The following NR3C2 variants were observed in gnomAD, a reference collection of about 807,000 sequenced individuals.
NR3C2 encodes nuclear receptor subfamily 3 group C member 2.
Under a neutral mutation model 86.4 loss-of-function variants are expected in NR3C2, and 15 were observed. The ratio of observed to expected loss-of-function variants is 0.17; its 90% CI spans 0.12 to 0.27. NR3C2 has a LOEUF of 0.27. NR3C2 is among the 10% of genes least tolerant of loss of function. The probability of loss-of-function intolerance (pLI) is 1.00; values close to 1 mark genes in which losing one functional copy is unlikely to be tolerated. For missense variants in NR3C2, 960 were observed against 1,195.6 expected, an observed-to-expected ratio of 0.80 and a Z score of 2.91; for synonymous variants, 458 against 450.5, an observed-to-expected ratio of 1.02 and a Z score of -0.21.
chr4:148,150,103 G>A (rs1734037754), intron 6 of NR3C2, among the ~76,000 whole-genome samples: 1 of 152,162 alleles, frequency 6.6e-6, no homozygotes, highest in South Asian at 2.1e-4. Flanking sequence ...CATATTCAGT[G>A]CAACGTTATT....
intron 2 of NR3C2, among the ~76,000 whole-genome samples, chr4:148,367,278 T>C (rs1248338839): frequency 2.0e-5 from 3 of 152,212 alleles, no homozygotes; most frequent in Non-Finnish European, 4.4e-5. Context: ...TGCAATTGCT[T>C]GAGCCAATAT....
At chr4:148,374,545 C>T (rs537974662) in intron 2 of NR3C2, among the ~76,000 whole-genome samples, 4 of 152,128 alleles carry the variant, frequency 2.6e-5, no homozygotes, top group African/African-American at 9.6e-5. Context: ...CATGAAAATT[C>T]TAGAGAAAAT....
intron 4 of NR3C2, among the ~76,000 whole-genome samples, chr4:148,182,370 C>T (rs1031857706): frequency 6.6e-6 from 1 of 152,156 alleles, no homozygotes; most frequent in African/African-American, 2.4e-5. Context: ...ACAATGTACA[C>T]AACTGGACAA....
chr4:148,175,943 C>T (rs1319502850), intron 4 of NR3C2, among the ~76,000 whole-genome samples: 1 of 152,202 alleles, frequency 6.6e-6, no homozygotes, highest in African/African-American at 2.4e-5. Context: ...TGCACCACTG[C>T]ACTACAGCCT....
At chr4:148,174,117 G>A (rs1375784861) in intron 4 of NR3C2, among the ~76,000 whole-genome samples, 3 of 152,174 alleles carry the variant, frequency 2.0e-5, no homozygotes, top group African/African-American at 7.2e-5. Context: ...AAAAAAATAA[G>A]TCAAATGATT....
chr4:148,358,085 T>C (rs61761544), intron 2 of NR3C2, among the ~76,000 whole-genome samples: 30,498 of 151,888 alleles, frequency 0.2, 3,101 homozygotes, highest in East Asian at 0.3. Flanking sequence ...GATCTAGAAC[T>C]AGAAATACCA....
At chr4:148,106,220 T>C (rs527307221) in intron 8 of NR3C2, among the ~76,000 whole-genome samples, 92 of 152,006 alleles carry the variant, frequency 6.1e-4, no homozygotes, top group Non-Finnish European at 8.5e-4. Context: ...ACACCAACAA[T>C]AGGCAAGCAA....
intron 3 of NR3C2, among the ~76,000 whole-genome samples, chr4:148,251,254 C>T (rs917091802): frequency 6.6e-6 from 1 of 152,134 alleles, no homozygotes; most frequent in South Asian, 2.1e-4. Context: ...CCACCGCACC[C>T]AACACAGTCT....
At chr4:148,353,952 C>T (rs372686139) in intron 2 of NR3C2, among the ~76,000 whole-genome samples, 13 of 152,208 alleles carry the variant, frequency 8.5e-5, no homozygotes, top group African/African-American at 2.9e-4. Context: ...TTTCACCATC[C>T]CTTAAAAATG....
chr4:148,156,873 C>T (rs1734417147), intron 4 of NR3C2, among the ~76,000 whole-genome samples: 1 of 152,002 alleles, frequency 6.6e-6, no homozygotes, highest in Admixed American at 6.6e-5. Flanking sequence ...TATTGCGGCA[C>T]TATTCACAAT....
chr4:148,199,137 T>C (rs1736589650), intron 3 of NR3C2, among the ~76,000 whole-genome samples: 1 of 144,212 alleles, frequency 6.9e-6, no homozygotes, highest in Non-Finnish European at 1.5e-5. Context: ...AAAAATCAAC[T>C]CGTAATGAAA....
intron 8 of NR3C2, among the ~76,000 whole-genome samples, chr4:148,111,902 TGTG>T (rs760771807): frequency 3.1e-4 from 47 of 152,316 alleles, no homozygotes; most frequent in Non-Finnish European, 5.4e-4. Flanking sequence ...CTATCTTGAT[TGTG>T]GTGATAATTT....
At chr4:148,094,532 G>A (rs747839626) in intron 8 of NR3C2, among the ~76,000 whole-genome samples, 6 of 152,224 alleles carry the variant, frequency 3.9e-5, no homozygotes, top group Non-Finnish European at 5.9e-5. Context: ...TGGCCAACAT[G>A]GTGAAACCCA....
intron 3 of NR3C2, among the ~76,000 whole-genome samples, chr4:148,256,115 G>A (rs1351126929): frequency 6.6e-6 from 1 of 152,210 alleles, no homozygotes. Context: ...CTGTGGGACT[G>A]CCACAGAGGC....
At position 148,362,473 on chromosome 4, in the gene NR3C2, T is replaced by TA. The variant is rs1745887880; in HGVS notation, c.1757+72630dup. Among the ~76,000 whole-genome samples, 4 of 152,350 alleles carry TA rather than the reference T, an allele frequency of 2.6e-5. No homozygotes were observed. In the South Asian group the frequency reaches 8.3e-4, roughly 32 times the overall value. Reference sequence around the variant, plus strand: ...TTAAAAACTTTAAAACTTTAAAATTTAAAAATTAAAAATTTTAAAAATGAA... The same window carrying TA: ...TTAAAAACTTTAAAACTTTAAAATTTAAAAAATTAAAAATTTTAAAAATGAA... On this transcript the variant is annotated intron_variant, in intron 2 of 8. Coordinates refer to ENST00000358102, the MANE Select transcript of NR3C2 (RefSeq NM_000901.5).
At chr4:148,109,821 G>A (rs937404897) in intron 8 of NR3C2, among the ~76,000 whole-genome samples, 2 of 152,156 alleles carry the variant, frequency 1.3e-5, no homozygotes, top group Admixed American at 6.5e-5. Flanking sequence ...TACAACATAT[G>A]TTTAATAGGA....
At chr4:148,291,104 A>AGCCC (rs1741777424) in intron 2 of NR3C2, among the ~76,000 whole-genome samples, 1 of 152,114 alleles carries the variant, frequency 6.6e-6, no homozygotes, top group Non-Finnish European at 1.5e-5. Context: ...TTAGACTGAC[A>AGCCC]TCTATTCTTT....
chr4:148,106,889 C>A (rs1270677618), intron 8 of NR3C2, among the ~76,000 whole-genome samples: 3 of 152,138 alleles, frequency 2.0e-5, no homozygotes, highest in Non-Finnish European at 2.9e-5. Flanking sequence ...AAACGTAAAA[C>A]CTAAAACCAT....
At chr4:148,303,145 T>A (rs1316484708) in intron 2 of NR3C2, among the ~76,000 whole-genome samples, 2 of 152,234 alleles carry the variant, frequency 1.3e-5, no homozygotes, top group Non-Finnish European at 2.9e-5. Flanking sequence ...AATTTTTTTT[T>A]AACAAAGATG....
Sources: gnomAD v4.1 joint callset for allele counts (sites outside exome capture counted in the v4.1 genomes callset) on GRCh38, gnomAD v4.1.1 for gene constraint, MANE v1.5 for transcripts, NCBI Gene and HGNC (gene_info 2026-07-23, HGNC 2026-07-21) for gene names.